Variants in ALKBH3 observed in about 807,000 individuals in gnomAD.
ALKBH3 encodes alpha-ketoglutarate-dependent dioxygenase alkB homolog 3.
A neutral mutation model predicts 43.9 loss-of-function variants in ALKBH3; 51 were observed. The observed-to-expected ratio is 1.16, with a 90% CI of 0.93 to 1.47. The LOEUF is 1.47. ALKBH3 is among the 40% of genes most tolerant of loss of function. The pLI, the probability that ALKBH3 is intolerant of heterozygous loss-of-function variation, is 0.00. For missense variants in ALKBH3, 361 were observed against 351.9 expected (o/e 1.03, Z -0.21); for synonymous variants, 102 against 115.2 (o/e 0.89, Z 0.73).
chr11:43,892,129 C>G lies in ALKBH3; in HGVS notation c.459C>G (p.His153Gln). 1 of 1,599,376 alleles carries G rather than the reference C, an allele frequency of 6.3e-7. No homozygotes were observed. Among genetic ancestry groups the G allele is most frequent in the Non-Finnish European group, 8.6e-7 (1 of 1,166,612 alleles). The stretch of plus-strand genomic sequence containing the variant: ...GAATCACTATGGAACCAAATCCTCA[C>G]GTATGTCAACATATTGTCATTGGTA... ...YSRITMEPNP[H>Q]WHPVLRTLKN... is the part of the protein sequence containing the mutation. Residue 153 changes from histidine to glutamine, a missense_variant and splice_region_variant, in exon 7 of 10, where the codon CAC (histidine) becomes CAG (glutamine). Physicochemically the swap from His to Gln is conservative, Grantham distance 24 (BLOSUM62 0). Transcript: ENST00000302708.
rs113075880 is a variant in ALKBH3 at position 43,899,131 on chromosome 11, G to C, written c.460-2385G>C. The C allele has an allele frequency of 3.9e-4, 300 of 770,976 alleles. 2 individuals are homozygous for C. In the African/African-American group the frequency reaches 4.4e-3, roughly 11 times the overall value. The allele number at this position is 770,976 out of a possible 1,614,324, so 47.8% of individuals were successfully genotyped here. On this transcript the variant is annotated intron_variant, in intron 7 of 9. Coordinates refer to ENST00000302708, the MANE Select transcript of ALKBH3 (RefSeq NM_139178.4). ...GTCTTTAACATCTATCACTCCAAGA[G>C]GTCGCCACAGCCACCCAAAAAGGAC...
chr11:43,892,244 A>C, intron 7 of ALKBH3, 115 bp downstream of exon 7: 2 of 865,230 alleles, frequency 2.3e-6, no homozygotes, highest in Non-Finnish European at 3.5e-6. Context: ...TAGTTCAAAA[A>C]ACCTCTCTGG....
chr11:43,895,321 C>G (rs1951811241), intron 7 of ALKBH3, among the ~76,000 whole-genome samples: 1 of 152,152 alleles, frequency 6.6e-6, no homozygotes, highest in Admixed American at 6.5e-5. Flanking sequence ...GCATTTTCCC[C>G]CTTACTGTTC....
At chr11:43,892,531 A>G (rs1156993284) in intron 7 of ALKBH3, among the ~76,000 whole-genome samples, 1 of 152,024 alleles carries the variant, frequency 6.6e-6, no homozygotes. Flanking sequence ...AAAAAATCTG[A>G]TGTTTTTCTT....
Position 43,886,543 on chromosome 11 carries a change from TC to T in ALKBH3, c.219-61del. The T allele has an allele frequency of 2.6e-6, 4 of 1,541,584 alleles. No homozygotes were observed. In the South Asian group the frequency reaches 3.4e-5, roughly 13 times the overall value. On this transcript the variant is annotated intron_variant, in intron 4 of 9. Transcript: ENST00000302708. ...TTTGGCAGTTCAGAAGGATAACTCT[TC>T]CACTGGGTATAGCATATTGTTTTGC... is the stretch of plus-strand genomic sequence containing the variant.
At chr11:43,882,932 C>G in intron 2 of ALKBH3, 153 bp from the exon 3 acceptor site, 2 of 824,452 alleles carry the variant, frequency 2.4e-6, no homozygotes, top group South Asian at 1.8e-5. Context: ...AGTCCACACC[C>G]TCAAACCTTT....
chr11:43,919,401 T>A (rs1952009591), intron 9 of ALKBH3, among the ~76,000 whole-genome samples: 1 of 152,252 alleles, frequency 6.6e-6, no homozygotes, highest in Non-Finnish European at 1.5e-5. Context: ...ATGACTGACT[T>A]CTTAAAATGT....
chr11:43,884,135 G>A, intron 4 of ALKBH3, 118 bp downstream of exon 4: 1 of 1,186,318 alleles, frequency 8.4e-7, no homozygotes, highest in Non-Finnish European at 1.2e-6. Context: ...CTTAACTGTA[G>A]TCTGGGATAT....
intron 6 of ALKBH3, among the ~76,000 whole-genome samples, chr11:43,890,271 G>A (rs998998003): frequency 2.0e-5 from 3 of 152,080 alleles, no homozygotes; most frequent in Non-Finnish European, 4.4e-5. Flanking sequence ...TTTGCCAGAA[G>A]AGTCCAGTCT....
At chr11:43,899,430 C>G in intron 7 of ALKBH3, 1 of 704,514 alleles carries the variant, frequency 1.4e-6, no homozygotes, top group Admixed American at 1.8e-5. Flanking sequence ...ATGTACTACG[C>G]CAAAGTGATA....
At chr11:43,894,898 G>C (rs1363826095) in intron 7 of ALKBH3, among the ~76,000 whole-genome samples, 1 of 152,088 alleles carries the variant, frequency 6.6e-6, no homozygotes, top group Non-Finnish European at 1.5e-5. Context: ...AATAAAAAAG[G>C]AGAACAAGAG....
intron 8 of ALKBH3, among the ~76,000 whole-genome samples, chr11:43,906,437 A>T (rs928964950): frequency 2.0e-5 from 3 of 152,248 alleles, no homozygotes; most frequent in African/African-American, 7.2e-5. Context: ...ACTATGCAGG[A>T]TTTCATAGAG....
intron 8 of ALKBH3, among the ~76,000 whole-genome samples, chr11:43,918,155 G>T (rs530283003): frequency 1.3e-5 from 2 of 152,332 alleles, no homozygotes; most frequent in South Asian, 2.1e-4. Flanking sequence ...GCTCAGATCT[G>T]TCCCAGTCTC....
intron 6 of ALKBH3, among the ~76,000 whole-genome samples, chr11:43,891,525 AT>A (rs1467343441): frequency 6.6e-6 from 1 of 152,182 alleles, no homozygotes; most frequent in African/African-American, 2.4e-5. Flanking sequence ...GCTTCTCTAA[AT>A]TGGAACATCA....
In ALKBH3 at chr11:43,894,017, T is replaced by A. The variant is rs529487968; in HGVS notation, c.459+1888T>A. On this transcript the variant is annotated intron_variant, in intron 7 of 9. Transcript: ENST00000302708. ...TCGGCCACACCCCGACCTCTCAGAA[T>A]TTTTTAAAGGTGGATTCACTAATGT... Among the ~76,000 whole-genome samples the A allele has an allele frequency of 1.1e-3, 162 of 152,300 alleles. 1 individual carries two copies. Among genetic ancestry groups the A allele is most frequent in the Middle Eastern group, 6.8e-3 (2 of 294 alleles).
At chr11:43,909,747 G>A (rs1951923143) in intron 8 of ALKBH3, 1 of 152,164 alleles carries the variant, frequency 6.6e-6, no homozygotes, top group Non-Finnish European at 1.5e-5. Context: ...GCGGGCTAGA[G>A]AAATCTCTTT....
chr11:43,916,217 T>C (rs1362056175), intron 8 of ALKBH3, among the ~76,000 whole-genome samples: 1 of 152,158 alleles, frequency 6.6e-6, no homozygotes, highest in East Asian at 1.9e-4. Flanking sequence ...TAACAGTAAA[T>C]ACATCCAGAT....
intron 7 of ALKBH3, chr11:43,899,339 C>A: frequency 1.4e-6 from 1 of 694,388 alleles, no homozygotes; most frequent in Admixed American, 1.8e-5. Flanking sequence ...CCACAGCATG[C>A]CCGTGTGCAC....
intron 8 of ALKBH3, among the ~76,000 whole-genome samples, chr11:43,910,965 A>G (rs1199698107): frequency 6.6e-6 from 1 of 152,192 alleles, no homozygotes; most frequent in Admixed American, 6.5e-5. Context: ...GTATTATACT[A>G]TGCTCAGCTC....
Sources: gnomAD v4.1 joint callset for allele counts (sites outside exome capture counted in the v4.1 genomes callset) on GRCh38, gnomAD v4.1.1 for gene constraint, MANE v1.5 for transcripts, NCBI Gene and HGNC (gene_info 2026-07-23, HGNC 2026-07-21) for gene names.